ACACA: variants seen among roughly 807,000 people sequenced by gnomAD.
The protein encoded by ACACA is acetyl-CoA carboxylase 1.
Under a neutral mutation model 296.1 loss-of-function variants are expected in ACACA, and 103 were observed. That is an observed-to-expected ratio of 0.35 (90% confidence interval 0.30 to 0.41). The LOEUF is 0.41. ACACA is among the 10% of genes least tolerant of loss of function. The pLI, the probability that ACACA is intolerant of heterozygous loss-of-function variation, is 1.00. For missense variants in ACACA, 1,554 were observed against 2,989.7 expected (o/e 0.52, Z 11.20); for synonymous variants, 953 against 1,038.6 (o/e 0.92, Z 1.58).
In ACACA at chr17:37,087,301, G is replaced by A. The variant is rs1567638943; in HGVS notation, c.*15C>T. ...TTTCTCCAGAGACAGGGCAGGGACA[G>A]GCAGGAAGCTCTTCCTACGTGGAAG... On this transcript the variant is annotated 3_prime_UTR_variant, in exon 56 of 56. Transcript: ENST00000616317. 8.7e-6 allele frequency: 14 copies of A among 1,614,104 alleles called. No homozygotes were observed. The highest frequency in any genetic ancestry group is 1.7e-5 in the Admixed American group (1 of 60,032).
intron 43 of ACACA, among the ~76,000 whole-genome samples, chr17:37,152,762 C>T (rs111471058): frequency 1.3e-5 from 2 of 152,126 alleles, no homozygotes; most frequent in East Asian, 1.9e-4. Flanking sequence ...TCCACGTGTA[C>T]CCAGAAGGCT....
intron 3 of ACACA, among the ~76,000 whole-genome samples, chr17:37,322,782 T>C (rs995724000): frequency 1.3e-5 from 2 of 152,066 alleles, no homozygotes; most frequent in Non-Finnish European, 2.9e-5. Context: ...GGAATTCAAC[T>C]CGGGGCCGTC....
chr17:37,364,410 G>A (rs1031477085), intron 1 of ACACA, among the ~76,000 whole-genome samples: 5 of 151,874 alleles, frequency 3.3e-5, no homozygotes, highest in African/African-American at 1.2e-4. Context: ...GCTGGCCAAC[G>A]TGGCAAAATC....
intron 3 of ACACA, among the ~76,000 whole-genome samples, chr17:37,304,376 C>G (rs953578994): frequency 6.6e-6 from 1 of 152,052 alleles, no homozygotes; most frequent in African/African-American, 2.4e-5. Context: ...GATGGAGTCT[C>G]AAATTCCTGG....
chr17:37,198,720 T>C (rs773502596), intron 35 of ACACA, among the ~76,000 whole-genome samples: 9 of 152,154 alleles, frequency 5.9e-5, no homozygotes, highest in Non-Finnish European at 8.8e-5. Context: ...CCTAAAGCAT[T>C]TCAGAAAATC....
chr17:37,102,531 A>T (rs2073426756), intron 52 of ACACA, among the ~76,000 whole-genome samples: 1 of 152,130 alleles, frequency 6.6e-6, no homozygotes, highest in Non-Finnish European at 1.5e-5. Context: ...CAAAGTCAGG[A>T]TTTACACTTG....
chr17:37,101,086 G>GAAAAAAAAAAAA, intron 52 of ACACA, among the ~76,000 whole-genome samples: 1 of 56,372 alleles, frequency 1.8e-5, no homozygotes, highest in Non-Finnish European at 3.4e-5. Context: ...GACTGTCTCA[G>GAAAAAAAAAAAA]AAAAAAAAAA....
chr17:37,243,593 G>A, intron 21 of ACACA, 34 bp from the exon 22 acceptor site: 2 of 1,598,838 alleles, frequency 1.3e-6, no homozygotes, highest in Non-Finnish European at 1.7e-6. Flanking sequence ...TAGGACCCAA[G>A]TTAACACAAT....
At chr17:37,091,510 A>G (rs888000500) in intron 54 of ACACA, among the ~76,000 whole-genome samples, 2 of 152,178 alleles carry the variant, frequency 1.3e-5, no homozygotes. Flanking sequence ...GAGAGTTACC[A>G]TACTGTTGTG....
At chr17:37,242,832 A>C (rs2080485254) in intron 22 of ACACA, among the ~76,000 whole-genome samples, 1 of 152,178 alleles carries the variant, frequency 6.6e-6, no homozygotes, top group Non-Finnish European at 1.5e-5. Context: ...AGGTCAGGAG[A>C]TCGAGACCAT....
chr17:37,088,001 C>A (rs953757793), intron 55 of ACACA, among the ~76,000 whole-genome samples: 3 of 152,274 alleles, frequency 2.0e-5, no homozygotes, highest in African/African-American at 4.8e-5. Flanking sequence ...AGTAATTATA[C>A]GGTAGAGAAA....
At chr17:37,233,762 T>C (rs1282442966) in intron 25 of ACACA, among the ~76,000 whole-genome samples, 2 of 152,230 alleles carry the variant, frequency 1.3e-5, no homozygotes, top group Non-Finnish European at 2.9e-5. Context: ...TGCCATAGAT[T>C]GTATCATTTC....
chr17:37,382,554 C>T (rs1307350257), intron 1 of ACACA, among the ~76,000 whole-genome samples: 1 of 151,948 alleles, frequency 6.6e-6, no homozygotes, highest in Non-Finnish European at 1.5e-5. Context: ...CAGGATGTTA[C>T]AGAAAAACTC....
intron 29 of ACACA, among the ~76,000 whole-genome samples, chr17:37,217,707 C>T (rs2079077110): frequency 7.4e-6 from 1 of 135,286 alleles, no homozygotes; most frequent in Non-Finnish European, 1.6e-5. Flanking sequence ...TGCACTCCAG[C>T]CTGGGCGACA....
intron 24 of ACACA, among the ~76,000 whole-genome samples, chr17:37,236,347 T>G (rs1415669434): frequency 1.3e-5 from 2 of 152,196 alleles, no homozygotes; most frequent in African/African-American, 2.4e-5. Flanking sequence ...TTAATATTTT[T>G]CTCTACCAAG....
intron 54 of ACACA, among the ~76,000 whole-genome samples, chr17:37,091,276 G>T (rs9895998): frequency 0.3 from 46,108 of 152,000 alleles, 9,278 homozygotes; most frequent in African/African-American, 0.56. Context: ...CAGGATTAGG[G>T]CAACGCATTC....
intron 37 of ACACA, among the ~76,000 whole-genome samples, chr17:37,191,583 G>A (rs1221717725): frequency 6.6e-6 from 1 of 152,098 alleles, no homozygotes; most frequent in Non-Finnish European, 1.5e-5. Context: ...GCCAAACAGA[G>A]CTATTTAGAA....
intron 45 of ACACA, among the ~76,000 whole-genome samples, chr17:37,138,243 T>C (rs143437657): frequency 6.6e-6 from 1 of 152,308 alleles, no homozygotes; most frequent in East Asian, 1.9e-4. Flanking sequence ...ATAGCTAGAT[T>C]TGGATCCATG....
chr17:37,125,498 C>T (rs1031035793), intron 48 of ACACA, among the ~76,000 whole-genome samples, 200 bp downstream of exon 48: 9 of 152,146 alleles, frequency 5.9e-5, no homozygotes, highest in Non-Finnish European at 1.0e-4. Flanking sequence ...TCAGATTAAA[C>T]GCATCATTGG....
Sources: gnomAD v4.1 joint callset for allele counts (sites outside exome capture counted in the v4.1 genomes callset) on GRCh38, gnomAD v4.1.1 for gene constraint, MANE v1.5 for transcripts, NCBI Gene and HGNC (gene_info 2026-07-23, HGNC 2026-07-21) for gene names.